GRIA2: variants seen among roughly 807,000 people sequenced by gnomAD.
GRIA2 encodes the protein glutamate ionotropic receptor AMPA type subunit 2, also known as glutamate receptor 2.
In GRIA2, 14 loss-of-function variants were observed where a neutral mutation model predicts 97.3. The observed-to-expected ratio is 0.14, with a 90% CI of 0.10 to 0.23. The LOEUF (loss-of-function observed/expected upper bound fraction) is 0.23, where lower values mean the gene tolerates loss of function less well. Among genes scored for constraint, GRIA2 ranks in the 10% least tolerant of loss-of-function variants. The pLI is 1.00. For synonymous variants in GRIA2, 412 were observed against 387.8 expected, an observed-to-expected ratio of 1.06 and a Z score of -0.73; for missense variants, 558 against 1,069.8, an observed-to-expected ratio of 0.52 and a Z score of 6.67.
At chr4:157,223,800 GAGA>G (rs1199241007) in intron 2 of GRIA2, among the ~76,000 whole-genome samples, 4 of 152,156 alleles carry the variant, frequency 2.6e-5, no homozygotes, top group African/African-American at 9.7e-5. Flanking sequence ...TGAAAATAAT[GAGA>G]AGAACTTTCT....
intron 7 of GRIA2, 40 bp downstream of exon 7, chr4:157,333,026 GC>G: frequency 6.8e-7 from 1 of 1,463,048 alleles, no homozygotes; most frequent in Non-Finnish European, 9.3e-7. Context: ...ACTTAATATG[GC>G]CATTAATGTT....
At chr4:157,331,148 G>T (rs562281313) in intron 6 of GRIA2, among the ~76,000 whole-genome samples, 1 of 152,040 alleles carries the variant, frequency 6.6e-6, no homozygotes, top group East Asian at 1.9e-4. Flanking sequence ...ATGGTAATAG[G>T]CTTAAGACTT....
chr4:157,258,894 A>T (rs1222705172), intron 2 of GRIA2, among the ~76,000 whole-genome samples: 1 of 152,058 alleles, frequency 6.6e-6, no homozygotes, highest in African/African-American at 2.4e-5. Context: ...TATAAGGCAG[A>T]AAGAAACAGA....
intron 2 of GRIA2, among the ~76,000 whole-genome samples, chr4:157,298,550 G>A (rs1733461259): frequency 7.0e-6 from 1 of 143,412 alleles, no homozygotes; most frequent in Non-Finnish European, 1.5e-5. Flanking sequence ...GAAATATATG[G>A]TTTTAGAAGT....
chr4:157,360,876 G>A (rs1197658602), intron 13 of GRIA2, 134 bp from the exon 14 acceptor site: 2 of 695,166 alleles, frequency 2.9e-6, no homozygotes, highest in African/African-American at 1.8e-5. Context: ...ACATATTATT[G>A]TGGCCTTTTT....
chr4:157,224,852 C>G (rs1400137557), intron 2 of GRIA2, among the ~76,000 whole-genome samples: 1 of 151,898 alleles, frequency 6.6e-6, no homozygotes, highest in Non-Finnish European at 1.5e-5. Context: ...TCTTTTTTCC[C>G]ATTTCCTCTA....
rs1012576586 is a variant in GRIA2 at position 157,365,663 on chromosome 4, G to A, written c.*2232G>A. On this transcript the variant is annotated 3_prime_UTR_variant, in exon 16 of 16. Transcript: ENST00000264426. Reference sequence around the variant, plus strand: ...ACTCATAGTTTAATATCCATGTAACGGTGCATCAATATATTGCTATATAAA... The same window carrying A: ...ACTCATAGTTTAATATCCATGTAACAGTGCATCAATATATTGCTATATAAA... The A allele has an allele frequency of 6.6e-6, 1 of 151,854 alleles. No individual in the cohort carries two copies. Among genetic ancestry groups the A allele is most frequent in the Non-Finnish European group, 1.5e-5 (1 of 67,564 alleles). 9.4% of individuals were successfully genotyped at this position (151,854 alleles called of 1,614,324 possible).
At chr4:157,280,666 C>G (rs1732553253) in intron 2 of GRIA2, among the ~76,000 whole-genome samples, 2 of 151,890 alleles carry the variant, frequency 1.3e-5, no homozygotes, top group South Asian at 2.1e-4. Flanking sequence ...GAAGGCTAGA[C>G]TCGACTTCAC....
At chr4:157,263,963 T>C (rs1256494426) in intron 2 of GRIA2, among the ~76,000 whole-genome samples, 1 of 152,100 alleles carries the variant, frequency 6.6e-6, no homozygotes. Context: ...CTCTTAGTTA[T>C]AAAAAATTTA....
intron 12 of GRIA2, among the ~76,000 whole-genome samples, chr4:157,343,630 G>A (rs1381041781): frequency 6.6e-6 from 1 of 152,066 alleles, no homozygotes; most frequent in East Asian, 1.9e-4. Context: ...TGCATATAAT[G>A]TTGTAGTGAG....
intron 6 of GRIA2, among the ~76,000 whole-genome samples, chr4:157,322,851 C>G (rs906852104): frequency 1.3e-5 from 2 of 152,166 alleles, no homozygotes; most frequent in African/African-American, 4.8e-5. Context: ...ATGCTAGGTG[C>G]ATGACTGTCT....
intron 2 of GRIA2, among the ~76,000 whole-genome samples, chr4:157,266,449 T>A (rs755721867): frequency 2.0e-5 from 3 of 151,126 alleles, no homozygotes; most frequent in Non-Finnish European, 3.0e-5. Flanking sequence ...GCTTAAAGAG[T>A]GTGGTGTCGT....
intron 2 of GRIA2, among the ~76,000 whole-genome samples, chr4:157,238,660 C>T (rs927843648): frequency 1.3e-5 from 2 of 152,076 alleles, no homozygotes; most frequent in African/African-American, 4.8e-5. Context: ...TTACAAAACA[C>T]TGCTGCAAAT....
Position 157,334,132 on chromosome 4 carries a change from C to G in GRIA2, c.1266+12C>G, listed in dbSNP as rs1735181620. 1 of 1,274,378 alleles carries G rather than the reference C, an allele frequency of 7.8e-7. No homozygotes were observed. The highest frequency in any genetic ancestry group is 1.1e-6 in the Non-Finnish European group (1 of 870,534). The allele number at this position is 1,274,378 out of a possible 1,614,324, so 78.9% of individuals were successfully genotyped here. On this transcript the variant is annotated intron_variant, in intron 9 of 15. Transcript: ENST00000264426. Reference sequence around the variant, plus strand: ...TCACCACAATTTTGGTAATTTGCTACATATGCCATGTTTTACTTTGTATTT... The same window carrying G: ...TCACCACAATTTTGGTAATTTGCTAGATATGCCATGTTTTACTTTGTATTT...
At chr4:157,307,055 C>T (rs1023124342) in intron 3 of GRIA2, among the ~76,000 whole-genome samples, 1 of 152,134 alleles carries the variant, frequency 6.6e-6, no homozygotes, top group Non-Finnish European at 1.5e-5. Context: ...TATTTTTAGG[C>T]TCTAATCATC....
chr4:157,362,695 C>T (rs1025975743), intron 14 of GRIA2, 104 bp from the exon 15 acceptor site: 1 of 934,854 alleles, frequency 1.1e-6, no homozygotes, highest in Non-Finnish European at 1.7e-6. Context: ...CAAATGCATT[C>T]TGTGTGACTA....
intron 2 of GRIA2, among the ~76,000 whole-genome samples, chr4:157,241,318 T>A (rs1364060060): frequency 2.0e-5 from 3 of 152,104 alleles, no homozygotes; most frequent in Non-Finnish European, 4.4e-5. Context: ...CATTTATTAT[T>A]TGCTTTTTGG....
At chr4:157,285,232 T>C (rs892006974) in intron 2 of GRIA2, among the ~76,000 whole-genome samples, 1 of 151,606 alleles carries the variant, frequency 6.6e-6, no homozygotes, top group Non-Finnish European at 1.5e-5. Context: ...ATGTCTCATG[T>C]CATTCTTAAT....
At chr4:157,254,801 A>G (rs1297461845) in intron 2 of GRIA2, among the ~76,000 whole-genome samples, 1 of 152,070 alleles carries the variant, frequency 6.6e-6, no homozygotes, top group East Asian at 1.9e-4. Context: ...AGTAGAGGAT[A>G]CTCACTGTTT....
Sources: allele counts gnomAD v4.1 joint callset (sites outside exome capture counted in the v4.1 genomes callset), GRCh38; gene constraint gnomAD v4.1.1; transcripts MANE v1.5; gene names NCBI Gene and HGNC (gene_info 2026-07-23, HGNC 2026-07-21).